Variants in NLGN4X observed in about 807,000 individuals in gnomAD.
The protein encoded by NLGN4X is neuroligin 4 X-linked.
In NLGN4X, 3 loss-of-function variants were observed where a neutral mutation model predicts 40.3. That is an observed-to-expected ratio of 0.07 (90% CI 0.03 to 0.19). The LOEUF (loss-of-function observed/expected upper bound fraction) is 0.19, where lower values mean the gene tolerates loss of function less well. Among genes scored for constraint, NLGN4X ranks in the 10% least tolerant of loss-of-function variants. The probability of loss-of-function intolerance (pLI) is 1.00; values close to 1 mark genes in which losing one functional copy is unlikely to be tolerated. For missense variants in NLGN4X, 382 were observed against 708.3 expected (o/e 0.54, Z 5.23); for synonymous variants, 270 against 306.8 (o/e 0.88, Z 1.25).
chrX:6,075,733 G>A (rs1002441361), intron 2 of NLGN4X, among the ~76,000 whole-genome samples: 8 of 110,871 alleles, frequency 7.2e-5, no homozygotes, highest in Admixed American at 2.9e-4. Context: ...CTCTTGCCAC[G>A]TGATCTTTGC....
intron 1 of NLGN4X, among the ~76,000 whole-genome samples, chrX:6,226,323 G>GAA (rs369852590): frequency 9.8e-6 from 1 of 102,166 alleles, no homozygotes; most frequent in African/African-American, 3.5e-5. Context: ...CCGCAGTCCG[G>GAA]AAAAAAAAAA....
At chrX:6,153,279 A>G (rs2040201922) in intron 1 of NLGN4X, among the ~76,000 whole-genome samples, 1 of 111,372 alleles carries the variant, frequency 9.0e-6, no homozygotes, top group African/African-American at 3.3e-5. Flanking sequence ...GGGAAATTCC[A>G]TAGTACATGA....
chrX:6,027,822 A>ATTTT (rs35042993), intron 3 of NLGN4X, among the ~76,000 whole-genome samples: 14 of 99,358 alleles, frequency 1.4e-4, no homozygotes, highest in South Asian at 4.7e-4. Context: ...TATTATTATT[A>ATTTT]TTTTTTTTTT....
chrX:6,042,672 AC>A (rs1309017008), intron 2 of NLGN4X, among the ~76,000 whole-genome samples: 1 of 76,928 alleles, frequency 1.3e-5, no homozygotes, highest in Non-Finnish European at 2.5e-5. Context: ...AACCTAACAT[AC>A]CCATAGAGGT....
At chrX:6,173,729 G>C (rs766811626) in intron 1 of NLGN4X, among the ~76,000 whole-genome samples, 1 of 111,866 alleles carries the variant, frequency 8.9e-6, no homozygotes, top group East Asian at 2.8e-4. Context: ...TTGAACCTTA[G>C]CATAAAAACT....
chrX:6,122,586 T>C (rs1028795955), intron 2 of NLGN4X, among the ~76,000 whole-genome samples: 4 of 109,907 alleles, frequency 3.6e-5, no homozygotes, highest in African/African-American at 6.6e-5. Flanking sequence ...CCAAGACCTC[T>C]ACCGGCCTCA....
At chrX:5,930,668 G>T (rs1160555251) in intron 3 of NLGN4X, among the ~76,000 whole-genome samples, 1 of 112,245 alleles carries the variant, frequency 8.9e-6, no homozygotes, top group Non-Finnish European at 1.9e-5. Context: ...TAAACATGAT[G>T]CATTATATTC....
At chrX:5,912,284 C>A (rs892082229) in intron 3 of NLGN4X, among the ~76,000 whole-genome samples, 3 of 111,252 alleles carry the variant, frequency 2.7e-5, no homozygotes, top group Non-Finnish European at 5.7e-5. Flanking sequence ...TGTGTCCCCA[C>A]ATAGAGGCCG....
At chrX:6,034,913 G>T (rs979373699) in intron 2 of NLGN4X, among the ~76,000 whole-genome samples, 1 of 110,493 alleles carries the variant, frequency 9.1e-6, no homozygotes, top group African/African-American at 3.3e-5. Context: ...TTGCCCTGTT[G>T]GCCAGGTTGG....
intron 3 of NLGN4X, among the ~76,000 whole-genome samples, chrX:5,926,088 G>A (rs183082713): frequency 9.6e-6 from 1 of 103,739 alleles, no homozygotes; most frequent in African/African-American, 3.4e-5. Flanking sequence ...CATGGGGGCA[G>A]TTTCCCCCAT....
At chrX:5,950,713 A>G (rs2034281160) in intron 3 of NLGN4X, among the ~76,000 whole-genome samples, 1 of 112,306 alleles carries the variant, frequency 8.9e-6, no homozygotes, top group African/African-American at 3.2e-5. Flanking sequence ...GCAGTCATGG[A>G]AGACGTTCAG....
chrX:5,990,472 G>A (rs2035651573), intron 3 of NLGN4X, among the ~76,000 whole-genome samples: 1 of 111,581 alleles, frequency 9.0e-6, no homozygotes, highest in Non-Finnish European at 1.9e-5. Flanking sequence ...GCAAAGACCT[G>A]CATATCACGA....
intron 3 of NLGN4X, among the ~76,000 whole-genome samples, chrX:5,915,544 C>CT (rs1395475301): frequency 8.9e-6 from 1 of 111,742 alleles, no homozygotes; most frequent in African/African-American, 3.3e-5. Context: ...AACTTTGAGT[C>CT]TTTTTTTGTT....
chrX:5,898,512 T>G (rs67903143), intron 5 of NLGN4X, among the ~76,000 whole-genome samples: 43,497 of 109,939 alleles, frequency 0.4, 6,581 homozygotes, highest in African/African-American at 0.53. Context: ...GATGTCTATA[T>G]AGAAGCATCC....
At chrX:6,117,751 A>G (rs1042557948) in intron 2 of NLGN4X, among the ~76,000 whole-genome samples, 1 of 111,807 alleles carries the variant, frequency 8.9e-6, no homozygotes, top group South Asian at 3.7e-4. Flanking sequence ...CCCTTGAAGT[A>G]TCTCCCAGAG....
intron 2 of NLGN4X, chrX:6,032,764 G>C: frequency 9.0e-7 from 1 of 1,109,489 alleles, no homozygotes. Flanking sequence ...GGGTCATATT[G>C]AGAAGGAAAA....
intron 3 of NLGN4X, among the ~76,000 whole-genome samples, chrX:5,930,868 G>GC (rs1316388253): frequency 9.0e-6 from 1 of 111,690 alleles, no homozygotes; most frequent in Non-Finnish European, 1.9e-5. Context: ...CCTTTCAATT[G>GC]CTCTAGCTCA....
At chrX:5,991,076 T>C (rs762539468) in intron 3 of NLGN4X, among the ~76,000 whole-genome samples, 21 of 111,916 alleles carry the variant, frequency 1.9e-4, no homozygotes, top group African/African-American at 6.8e-4. Context: ...AAGTCTAAGA[T>C]GGCTTGCAAC....
rs937568922 is a variant in NLGN4X, at chrX:6,117,378, G to A, written c.472+33617C>T. Among the ~76,000 whole-genome samples, 3 of 110,735 alleles carry A rather than the reference G, an allele frequency of 2.7e-5. No individual in the cohort carries two copies. In the Admixed American group the frequency reaches 2.9e-4, roughly 11 times the overall value. On this transcript the variant is annotated intron_variant, in intron 2 of 5. Transcript: ENST00000381095. ...AAAAACCCTCCAACCATACAGCCTA[G>A]GTTCAATGCATGCTCTACTGCCTCT...
Sources: allele counts gnomAD v4.1 joint callset (sites outside exome capture counted in the v4.1 genomes callset), GRCh38; gene constraint gnomAD v4.1.1; transcripts MANE v1.5; gene names NCBI Gene and HGNC (gene_info 2026-07-23, HGNC 2026-07-21).